The following VPS39 variants were observed in gnomAD, a reference collection of about 807,000 sequenced individuals.
The protein encoded by VPS39 is VPS39 subunit of HOPS complex.
Under a neutral mutation model 121.0 loss-of-function variants are expected in VPS39, and 70 were observed. The observed-to-expected ratio is 0.58, with a 90% CI of 0.48 to 0.71. VPS39 has a LOEUF of 0.71. Ranked by LOEUF, VPS39 falls within the 30% of genes least tolerant of loss-of-function variation. The pLI is 0.00. For missense variants in VPS39, 818 were observed against 1,051.5 expected, an observed-to-expected ratio of 0.78 and a Z score of 3.07; for synonymous variants, 378 against 398.1, an observed-to-expected ratio of 0.95 and a Z score of 0.60.
In VPS39 at chr15:42,163,406, G is replaced by A; in HGVS notation, c.2130-11C>T. The A allele has an allele frequency of 6.2e-7, 1 of 1,614,182 alleles. No homozygotes were observed. Among genetic ancestry groups the A allele is most frequent in the Non-Finnish European group, 8.5e-7 (1 of 1,180,018 alleles). On this transcript the variant is annotated splice_polypyrimidine_tract_variant and intron_variant, in intron 20 of 24. Coordinates refer to ENST00000318006, the MANE Select transcript of VPS39 (RefSeq NM_015289.5). ...TGTTTGTGGCAGTACCTGCAAGGGA[G>A]AGAGTGGTGAGAGCAGGTGGTGTGA...
chr15:42,169,599 G>A (rs1420034780), intron 12 of VPS39, 125 bp downstream of exon 12: 3 of 1,107,662 alleles, frequency 2.7e-6, no homozygotes, highest in Non-Finnish European at 3.6e-6. Flanking sequence ...ACCCCAGGCA[G>A]ACTTCCTACA....
In VPS39 at chr15:42,169,883, C is replaced by A. The variant is rs1057217231; in HGVS notation, c.1091-17G>T. 1 of 1,592,836 alleles carries A rather than the reference C, an allele frequency of 6.3e-7. No individual in the cohort carries two copies. Among genetic ancestry groups the A allele is most frequent in the African/African-American group, 1.3e-5 (1 of 74,244 alleles). ...GGGTGGGATCTATATGGAAGGTAAA[C>A]ATGATTCCTCTGGAAAGGAGCCCAA... On this transcript the variant is annotated splice_polypyrimidine_tract_variant and intron_variant, in intron 11 of 24. Transcript: ENST00000318006.
chr15:42,162,175 A>G lies in VPS39; in HGVS notation c.2326-9T>C. The G allele has an allele frequency of 6.2e-7, 1 of 1,614,184 alleles. No homozygotes were observed. On this transcript the variant is annotated splice_polypyrimidine_tract_variant and intron_variant, in intron 22 of 24. Transcript: ENST00000318006. The stretch of plus-strand genomic sequence containing the variant: ...GGCAGAAGGTTGAGGGCCTAGGGAC[A>G]GGAACAGAGATAGGGACTGGGTGAG...
rs2049198667 is a variant in VPS39, at chr15:42,164,355, C to A, written c.2026+3G>T. 1 of 1,614,058 alleles carries A rather than the reference C, an allele frequency of 6.2e-7. No individual in the cohort carries two copies. Among genetic ancestry groups the A allele is most frequent in the Non-Finnish European group, 8.5e-7 (1 of 1,179,944 alleles). On this transcript the variant is annotated splice_donor_region_variant and intron_variant, in intron 19 of 24. Coordinates refer to ENST00000318006, the MANE Select transcript of VPS39 (RefSeq NM_015289.5). ...GGCTTCTGGCCCTAAGCCAGACACTCACCATCAAAGGGAAAATCACAGATG... is the reference window on the plus strand; with the variant it reads ...GGCTTCTGGCCCTAAGCCAGACACTAACCATCAAAGGGAAAATCACAGATG...
At chr15:42,172,239 G>T (rs2049360877) in intron 11 of VPS39, among the ~76,000 whole-genome samples, 1 of 152,160 alleles carries the variant, frequency 6.6e-6, no homozygotes, top group Admixed American at 6.5e-5. Flanking sequence ...ACGCCTTCCG[G>T]AAAGAGCCAG....
intron 2 of VPS39, among the ~76,000 whole-genome samples, chr15:42,194,496 A>G (rs1442456904): frequency 6.6e-6 from 1 of 152,140 alleles, no homozygotes; most frequent in Non-Finnish European, 1.5e-5. Flanking sequence ...AAGAAAAAAT[A>G]AATAAATAAA....
intron 21 of VPS39, 105 bp downstream of exon 21, chr15:42,163,245 G>T: frequency 7.4e-7 from 1 of 1,357,208 alleles, no homozygotes; most frequent in South Asian, 1.2e-5. Flanking sequence ...TCAGAGCCCT[G>T]ACTCGTGCCC....
Position 42,161,709 on chromosome 15 carries a change from A to G in VPS39, c.2525T>C (p.Met842Thr). 1 of 1,614,178 alleles carries G rather than the reference A, an allele frequency of 6.2e-7. No homozygotes were observed. The highest frequency in any genetic ancestry group is 8.5e-7 in the Non-Finnish European group (1 of 1,180,026). Residue 842 changes from methionine to threonine, a missense_variant, in exon 24 of 25, where the codon ATG becomes ACG. Transcript: ENST00000318006. ...GTTCCCAATCTTCTTCTTACACACC[A>G]TGCACACCTTCTCCTCTGTGATGAT... ...KCIITEEKVC[M>T]VCKKKIGNSA... is the part of the protein sequence containing the mutation.
At chr15:42,195,378 C>T (rs2049915295) in intron 2 of VPS39, among the ~76,000 whole-genome samples, 2 of 152,122 alleles carry the variant, frequency 1.3e-5, no homozygotes, top group South Asian at 4.1e-4. Flanking sequence ...AATTCAAGTC[C>T]AGCCTGGGCA....
chr15:42,191,078 ATCT>A, intron 4 of VPS39, 44 bp downstream of exon 4: 4 of 1,600,796 alleles, frequency 2.5e-6, no homozygotes, highest in Non-Finnish European at 3.4e-6. Context: ...ATTAGGTCAT[ATCT>A]TTTCTTGTTA....
chr15:42,169,789 A>G lies in VPS39; in HGVS notation c.1168T>C (p.Leu390=). The change falls in exon 12 of 25, where the codon TTG becomes CTG. Residue 390 remains leucine (L), a synonymous_variant. Transcript: ENST00000318006. ...YRKQLQYPNP[L]PVLSGAELEK... is the part of the protein sequence containing the mutation. Reference sequence around the variant, plus strand: ...AATTCAGCCCCGGAGAGCACAGGCAATGGGTTGGGATACTGCAACTGCTTT... The same window carrying G: ...AATTCAGCCCCGGAGAGCACAGGCAGTGGGTTGGGATACTGCAACTGCTTT... 1 of 1,614,132 alleles carries G rather than the reference A, an allele frequency of 6.2e-7. No homozygotes were observed. The highest frequency in any genetic ancestry group is 8.5e-7 in the Non-Finnish European group (1 of 1,180,028).
intron 10 of VPS39, among the ~76,000 whole-genome samples, chr15:42,175,237 G>A (rs753009830): frequency 1.1e-4 from 17 of 151,790 alleles, no homozygotes; most frequent in African/African-American, 2.7e-4. Context: ...GTGAAACCCC[G>A]TCTCTACTAA....
Position 42,162,331 on chromosome 15 carries a change from C to T in VPS39, c.2325+1G>A, listed in dbSNP as rs771010297. Reference sequence around the variant, plus strand: ...CCATCTCCCTAGGAACAACTCCTGACCTTGGTGGTGTCCAGTTTGCTGTGG... The same window carrying T: ...CCATCTCCCTAGGAACAACTCCTGATCTTGGTGGTGTCCAGTTTGCTGTGG... On this transcript the variant is annotated splice_donor_variant, in intron 22 of 24. Coordinates refer to ENST00000318006, the MANE Select transcript of VPS39 (RefSeq NM_015289.5). LOFTEE classifies it high-confidence loss of function. 9 of 1,608,790 alleles carry T rather than the reference C, an allele frequency of 5.6e-6. No homozygotes were observed. Among genetic ancestry groups the T allele is most frequent in the Non-Finnish European group, 6.8e-6 (8 of 1,176,586 alleles).
Position 42,169,760 on chromosome 15 carries a change from C to T in VPS39, c.1197G>A (p.Glu399=), listed in dbSNP as rs889038442. The part of the protein sequence containing the change: ...PLPVLSGAEL[E]KAHLALIDYL... ...AGTCAATCAGAGCTAAGTGAGCCTT[C>T]TCCAATTCAGCCCCGGAGAGCACAG... The change falls in exon 12 of 25, where the codon GAG becomes GAA. Residue 399 remains glutamate, a synonymous_variant. Coordinates refer to ENST00000318006, the MANE Select transcript of VPS39 (RefSeq NM_015289.5). 2 of 1,614,144 alleles carry T rather than the reference C, an allele frequency of 1.2e-6. No individual in the cohort carries two copies. The highest frequency in any genetic ancestry group is 1.7e-6 in the Non-Finnish European group (2 of 1,180,036).
chr15:42,179,575 C>CAATA (rs372735737), intron 8 of VPS39, among the ~76,000 whole-genome samples: 3,781 of 107,996 alleles, frequency 0.035, 64 homozygotes, highest in South Asian at 0.044. Flanking sequence ...GACTCCATCT[C>CAATA]AATAAATAAA....
At chr15:42,182,811 G>A (rs2049610399) in intron 8 of VPS39, among the ~76,000 whole-genome samples, 1 of 152,142 alleles carries the variant, frequency 6.6e-6, no homozygotes, top group African/African-American at 2.4e-5. Flanking sequence ...ACTGATGAAG[G>A]CCCCAGGCAC....
Position 42,165,085 on chromosome 15 carries a change from G to A in VPS39, c.1808C>T (p.Thr603Ile). The change falls in exon 18 of 25, where the codon ACA becomes ATA. Residue 603 changes from threonine (T) to isoleucine (I), a missense_variant. By Grantham distance (89) the Thr-to-Ile change is moderately conservative. Transcript: ENST00000318006. ...LEHIIHVWEE[T>I]GSRFHNCLIQ... ...CAGGCAGTTGTGGAACCGAGAGCCT[G>A]TCTCCTCCCAAACATGGATGATGTG... 6.2e-7 allele frequency: 1 copy of A among 1,614,242 alleles called. No homozygotes were observed. Among genetic ancestry groups the A allele is most frequent in the East Asian group, 2.2e-5 (1 of 44,884 alleles).
chr15:42,170,770 T>TTTTTTA (rs2049332485), intron 11 of VPS39, among the ~76,000 whole-genome samples: 35 of 141,200 alleles, frequency 2.5e-4, no homozygotes, highest in South Asian at 4.5e-4. Flanking sequence ...TTTTTTTTTT[T>TTTTTTA]GAGACAGGGT....
chr15:42,175,637 C>T (rs2049437803), intron 10 of VPS39, among the ~76,000 whole-genome samples: 1 of 151,894 alleles, frequency 6.6e-6, no homozygotes, highest in South Asian at 2.1e-4. Context: ...TTTCCTATTA[C>T]CGCCACACTA....
Sources: allele counts gnomAD v4.1 joint callset (sites outside exome capture counted in the v4.1 genomes callset), GRCh38; gene constraint gnomAD v4.1.1; transcripts MANE v1.5; gene names NCBI Gene and HGNC (gene_info 2026-07-23, HGNC 2026-07-21).